ZYG11B: variants seen among roughly 807,000 people sequenced by gnomAD.
ZYG11B encodes protein zyg-11 homolog B.
In ZYG11B, 36 loss-of-function variants were observed where a neutral mutation model predicts 82.4. The observed-to-expected ratio is 0.44, with a 90% CI of 0.33 to 0.58. ZYG11B has a LOEUF of 0.58. ZYG11B is among the 20% of genes least tolerant of loss of function. The probability of loss-of-function intolerance (pLI) is 0.02; values close to 1 mark genes in which losing one functional copy is unlikely to be tolerated. For synonymous variants in ZYG11B, 303 were observed against 312.8 expected (o/e 0.97, Z 0.33); for missense variants, 552 against 895.6 (o/e 0.62, Z 4.90).
chr1:52,776,229 A>AAAAAAAAATATATAT, intron 3 of ZYG11B, among the ~76,000 whole-genome samples: 2,491 of 23,628 alleles, frequency 0.11, 417 homozygotes, highest in Non-Finnish European at 0.21. Flanking sequence ...TAAAAAAAAA[A>AAAAAAAAATATATAT]ATATATATAT....
At chr1:52,820,932 C>T (rs1571806225) in intron 13 of ZYG11B, among the ~76,000 whole-genome samples, 1 of 151,534 alleles carries the variant, frequency 6.6e-6, no homozygotes, top group East Asian at 2.0e-4. Context: ...AAAACCCCAT[C>T]TCTACTAAAA....
chr1:52,818,787 C>T (rs1239645478), intron 13 of ZYG11B, among the ~76,000 whole-genome samples: 2 of 149,590 alleles, frequency 1.3e-5, no homozygotes, highest in Non-Finnish European at 3.0e-5. Flanking sequence ...GTGAGATTTT[C>T]GCTTGGGTTT....
At chr1:52,780,831 C>T (rs578005389) in intron 4 of ZYG11B, among the ~76,000 whole-genome samples, 1 of 152,106 alleles carries the variant, frequency 6.6e-6, no homozygotes, top group Non-Finnish European at 1.5e-5. Context: ...TTATTGAATG[C>T]TTTGGGCAAC....
intron 1 of ZYG11B, among the ~76,000 whole-genome samples, chr1:52,732,763 C>CA (rs899318347): frequency 6.7e-4 from 95 of 142,632 alleles, no homozygotes; most frequent in African/African-American, 1.7e-3. Context: ...GACTCTGTCT[C>CA]AAAAAAAAAA....
chr1:52,758,131 G>A (rs1428144441), intron 2 of ZYG11B, among the ~76,000 whole-genome samples: 3 of 150,326 alleles, frequency 2.0e-5, no homozygotes, highest in Admixed American at 6.6e-5. Context: ...TCCAGGAGGC[G>A]GAGGTTGCAG....
Position 52,779,576 on chromosome 1 carries a change from C to T in ZYG11B, c.952-277C>T, listed in dbSNP as rs371552399. ...CGTGATCTCAGCTCACTGTAACCTCCGCCTCCTGGGTTCAAGCGATTCTCC... is the reference window on the plus strand; with the variant it reads ...CGTGATCTCAGCTCACTGTAACCTCTGCCTCCTGGGTTCAAGCGATTCTCC... On this transcript the variant is annotated intron_variant, in intron 3 of 13. Transcript: ENST00000294353. 1.7e-3 allele frequency among the ~76,000 whole-genome samples: 253 copies of T among 152,212 alleles called. 2 individuals carry two copies. The highest frequency in any genetic ancestry group is 5.4e-3 in the African/African-American group (226 of 41,522).
chr1:52,770,092 AT>A lies in ZYG11B; in HGVS notation c.197-913del, dbSNP rs33953020. ...AACTACTATATATATATATATATAT[AT>A]TTTTTTTTTTTTTTCAGAGACAGGT... On this transcript the variant is annotated intron_variant, in intron 2 of 13. Transcript: ENST00000294353. Among the ~76,000 whole-genome samples the A allele has an allele frequency of 2.3e-3, 216 of 94,430 alleles. 2 individuals carry two copies. Among genetic ancestry groups the A allele is most frequent in the African/African-American group, 3.3e-3 (72 of 21,926 alleles). 61.9% of individuals were successfully genotyped at this position (94,430 alleles called of 152,430 possible).
chr1:52,794,234 A>T (rs1571784145), intron 6 of ZYG11B, among the ~76,000 whole-genome samples: 1 of 152,218 alleles, frequency 6.6e-6, no homozygotes, highest in East Asian at 1.9e-4. Context: ...TCGGCCTCCC[A>T]AAGTGCTGGG....
intron 2 of ZYG11B, among the ~76,000 whole-genome samples, chr1:52,760,759 A>G (rs1020979814): frequency 8.9e-6 from 1 of 112,974 alleles, no homozygotes; most frequent in Non-Finnish European, 1.7e-5. Context: ...TGCCTGGCCT[A>G]CTTTTTTTTT....
chr1:52,787,339 C>T (rs912744652), intron 5 of ZYG11B, among the ~76,000 whole-genome samples: 1 of 152,056 alleles, frequency 6.6e-6, no homozygotes, highest in South Asian at 2.1e-4. Context: ...CAGAAACTTG[C>T]AAAACTATAC....
intron 8 of ZYG11B, among the ~76,000 whole-genome samples, chr1:52,800,685 T>A (rs1571790626): frequency 6.6e-6 from 1 of 152,238 alleles, no homozygotes; most frequent in Non-Finnish European, 1.5e-5. Flanking sequence ...GGCATGCGCC[T>A]GTAATCCCAG....
intron 10 of ZYG11B, among the ~76,000 whole-genome samples, chr1:52,812,366 G>A (rs1296239561): frequency 3.3e-5 from 5 of 151,904 alleles, no homozygotes; most frequent in African/African-American, 1.2e-4. Context: ...TGCTCTTCTT[G>A]AAGCTTGTTT....
At chr1:52,777,148 T>A (rs777186703) in intron 3 of ZYG11B, among the ~76,000 whole-genome samples, 33 of 151,998 alleles carry the variant, frequency 2.2e-4, no homozygotes, top group Non-Finnish European at 3.5e-4. Context: ...AAGTAGAGGT[T>A]GCAGTGAGCC....
chr1:52,810,496 A>G (rs907057614), intron 10 of ZYG11B, among the ~76,000 whole-genome samples: 6 of 152,098 alleles, frequency 3.9e-5, no homozygotes, highest in African/African-American at 1.2e-4. Flanking sequence ...CATTCAGTCT[A>G]CTGAGCTCTG....
At chr1:52,797,366 T>TA (rs200251317) in intron 8 of ZYG11B, among the ~76,000 whole-genome samples, 55,164 of 94,174 alleles carry the variant, frequency 0.59, 17,197 homozygotes, top group East Asian at 0.97. Flanking sequence ...ATAATACATA[T>TA]AATATATAAT....
intron 1 of ZYG11B, among the ~76,000 whole-genome samples, chr1:52,737,201 C>T (rs928530372): frequency 1.3e-5 from 2 of 152,094 alleles, no homozygotes; most frequent in Middle Eastern, 3.2e-3. Context: ...AATTATTAAA[C>T]CTTCAAGTGT....
chr1:52,746,581 A>G (rs1348629077), intron 1 of ZYG11B, among the ~76,000 whole-genome samples: 3 of 151,586 alleles, frequency 2.0e-5, no homozygotes, highest in Non-Finnish European at 4.4e-5. Context: ...GCAGTATTTG[A>G]GAGGACCAAT....
rs1644756753 is a variant in ZYG11B at position 52,772,085 on chromosome 1, A to G, written c.951+311A>G. ...TGGCTAAACAATAGGTTGTCTTATG[A>G]TGATAATGTTTAGCTATTTTGAACC... On this transcript the variant is annotated intron_variant, in intron 3 of 13. Coordinates refer to ENST00000294353, the MANE Select transcript of ZYG11B (RefSeq NM_024646.3). 3.8e-6 allele frequency: 3 copies of G among 785,062 alleles called. No homozygotes were observed. In the South Asian group the frequency reaches 4.6e-5, roughly 12 times the overall value. The allele number at this position is 785,062 out of a possible 1,614,324, so 48.6% of individuals were successfully genotyped here. A position where few individuals can be genotyped will look rare whatever the true frequency, so the allele number is the denominator to read the frequency against.
chr1:52,744,679 A>C (rs998769332), intron 1 of ZYG11B, among the ~76,000 whole-genome samples: 1 of 152,168 alleles, frequency 6.6e-6, no homozygotes, highest in Non-Finnish European at 1.5e-5. Context: ...CGTCTCTACT[A>C]AAAATACAAA....
Sources: gnomAD v4.1 joint callset for allele counts (sites outside exome capture counted in the v4.1 genomes callset) on GRCh38, gnomAD v4.1.1 for gene constraint, MANE v1.5 for transcripts, NCBI Gene and HGNC (gene_info 2026-07-23, HGNC 2026-07-21) for gene names.